Variants in TJP1 observed in about 807,000 individuals in gnomAD.
TJP1 encodes tight junction protein ZO-1.
Under a neutral mutation model 194.2 loss-of-function variants are expected in TJP1, and 43 were observed. The ratio of observed to expected loss-of-function variants is 0.22; its 90% CI spans 0.17 to 0.29. The LOEUF is 0.29. TJP1 is among the 10% of genes least tolerant of loss of function. The pLI is 1.00. For synonymous variants in TJP1, 801 were observed against 779.0 expected, an observed-to-expected ratio of 1.03 and a Z score of -0.47; for missense variants, 1,971 against 2,185.7, an observed-to-expected ratio of 0.90 and a Z score of 1.96.
chr15:29,891,866 T>A (rs139128458), intron 2 of TJP1, among the ~76,000 whole-genome samples: 178 of 152,290 alleles, frequency 1.2e-3, no homozygotes, highest in Non-Finnish European at 2.1e-3. Context: ...ATTAGGCCAA[T>A]TGATAACCCT....
intron 2 of TJP1, among the ~76,000 whole-genome samples, chr15:29,840,789 G>A (rs2051197621): frequency 6.6e-6 from 1 of 152,190 alleles, no homozygotes; most frequent in Non-Finnish European, 1.5e-5. Flanking sequence ...TGGGATAGAA[G>A]AAAGAATAAC....
At chr15:29,770,637 G>A (rs2046604571) in intron 4 of TJP1, among the ~76,000 whole-genome samples, 2 of 150,752 alleles carry the variant, frequency 1.3e-5, no homozygotes, top group Admixed American at 1.3e-4. Context: ...CCAAGATCGC[G>A]CCACTGCACT....
intron 2 of TJP1, among the ~76,000 whole-genome samples, chr15:29,904,381 G>C (rs1009311658): frequency 5.3e-5 from 8 of 152,080 alleles, no homozygotes. Context: ...ATCAAATTTG[G>C]CATGCAGCTA....
At chr15:29,875,716 G>A (rs1291675222) in intron 2 of TJP1, among the ~76,000 whole-genome samples, 7 of 152,038 alleles carry the variant, frequency 4.6e-5, no homozygotes, top group South Asian at 2.1e-4. Flanking sequence ...ACAGGCGTGC[G>A]CCACCATGCC....
rs1177990614 is a variant in TJP1 at position 29,723,275 on chromosome 15, C to T, written c.2413-2567G>A. On this transcript the variant is annotated intron_variant, in intron 18 of 27. Coordinates refer to ENST00000614355, the MANE Select transcript of TJP1 (RefSeq NM_001330239.4). ...ATAATCCTCAGTGTTGGAGTGGGGC[C>T]TGGTAGGAGGTGATCACGAGGGCGG... Among the ~76,000 whole-genome samples, 4 of 152,118 alleles carry T rather than the reference C, an allele frequency of 2.6e-5. No individual in the cohort carries two copies. In the East Asian group the frequency reaches 5.8e-4, roughly 22 times the overall value.
Position 29,741,435 on chromosome 15 carries a change from T to A in TJP1, c.1152A>T (p.Glu384Asp), listed in dbSNP as rs773283834. The A allele has an allele frequency of 1.9e-6, 3 of 1,604,648 alleles. No homozygotes were observed. Among genetic ancestry groups the A allele is most frequent in the Non-Finnish European group, 2.6e-6 (3 of 1,176,008 alleles). The change falls in exon 10 of 28, where the codon GAA (glutamate) becomes GAT (aspartate). Residue 384 changes from glutamate to aspartate, a missense_variant and splice_region_variant. Coordinates refer to ENST00000614355, the MANE Select transcript of TJP1 (RefSeq NM_001330239.4). ...RNEKQTPSLP[E>D]PKPVYAQVGQ... ...CAACTTGGGCATACACAGGCTTTGG[T>A]TCTAAGAAAAAAAAAATTGAGTAGG...
intron 7 of TJP1, 147 bp downstream of exon 7, chr15:29,761,454 T>A: frequency 1.6e-6 from 2 of 1,279,424 alleles, no homozygotes; most frequent in East Asian, 5.1e-5. Context: ...GTGAGTTGTC[T>A]ACAGGAAAAA....
intron 2 of TJP1, among the ~76,000 whole-genome samples, chr15:29,898,911 T>C (rs2053557516): frequency 6.6e-6 from 1 of 152,210 alleles, no homozygotes; most frequent in South Asian, 2.1e-4. Flanking sequence ...AATACATAGG[T>C]TATAGATAAC....
chr15:29,921,561 G>A (rs2054359321), intron 2 of TJP1, among the ~76,000 whole-genome samples: 1 of 152,160 alleles, frequency 6.6e-6, no homozygotes, highest in Admixed American at 6.5e-5. Context: ...TGTGGGCACA[G>A]CTCTCACGGG....
chr15:29,786,824 C>G (rs182865797), intron 2 of TJP1, among the ~76,000 whole-genome samples: 8 of 152,252 alleles, frequency 5.3e-5, no homozygotes, highest in Admixed American at 4.6e-4. Context: ...GTAAATTAAA[C>G]GTGACATATA....
intron 8 of TJP1, among the ~76,000 whole-genome samples, chr15:29,754,477 C>G (rs186922952): frequency 6.6e-6 from 1 of 151,894 alleles, no homozygotes; most frequent in Non-Finnish European, 1.5e-5. Flanking sequence ...TGTTTACCTA[C>G]GTAACAAACC....
intron 1 of TJP1, among the ~76,000 whole-genome samples, chr15:29,816,615 T>C (rs2049942479): frequency 6.6e-6 from 1 of 152,174 alleles, no homozygotes; most frequent in Non-Finnish European, 1.5e-5. Context: ...TTTAAAACAG[T>C]ATGAAGCAAG....
intron 2 of TJP1, among the ~76,000 whole-genome samples, chr15:29,857,309 G>T (rs2051895539): frequency 6.7e-6 from 1 of 149,816 alleles, no homozygotes; most frequent in East Asian, 1.9e-4. Flanking sequence ...TTTTTTTAAG[G>T]ATGTTTCTAT....
chr15:29,723,204 T>A (rs1595631733), intron 18 of TJP1, among the ~76,000 whole-genome samples: 1 of 152,260 alleles, frequency 6.6e-6, no homozygotes, highest in East Asian at 1.9e-4. Context: ...AGGAACAGAA[T>A]GATATGGTTT....
At chr15:29,824,671 A>C (rs1052536229), upstream of TJP1, among the ~76,000 whole-genome samples, 8 of 152,204 alleles carry the variant, frequency 5.3e-5, no homozygotes, top group Non-Finnish European at 8.8e-5. Flanking sequence ...CTTTCACATT[A>C]TCTTTACCAT....
chr15:29,820,653 T>C, intron 1 of TJP1: 3 of 694,480 alleles, frequency 4.3e-6, no homozygotes, highest in Non-Finnish European at 8.0e-6. Flanking sequence ...TTCTGTGTAA[T>C]ACGGAAACAA....
chr15:29,840,984 T>C (rs1489799892), intron 2 of TJP1, among the ~76,000 whole-genome samples: 2 of 152,142 alleles, frequency 1.3e-5, no homozygotes, highest in East Asian at 1.9e-4. Context: ...TTGCAAACTG[T>C]GAACCAGAGA....
chr15:29,796,405 T>TA (rs2048413182), intron 2 of TJP1, among the ~76,000 whole-genome samples: 1 of 145,620 alleles, frequency 6.9e-6, no homozygotes, highest in Admixed American at 6.8e-5. Context: ...AATATTGAAA[T>TA]GAAAAAAAAA....
At chr15:29,854,491 G>A (rs1377362939) in intron 2 of TJP1, among the ~76,000 whole-genome samples, 1 of 152,114 alleles carries the variant, frequency 6.6e-6, no homozygotes, top group Non-Finnish European at 1.5e-5. Context: ...GAAGAGGGAG[G>A]GAAAGATTAG....
Sources: allele counts gnomAD v4.1 joint callset (sites outside exome capture counted in the v4.1 genomes callset), GRCh38; gene constraint gnomAD v4.1.1; transcripts MANE v1.5; gene names NCBI Gene and HGNC (gene_info 2026-07-23, HGNC 2026-07-21).